GALNTL6: variants seen among roughly 807,000 people sequenced by gnomAD.
GALNTL6 encodes polypeptide N-acetylgalactosaminyltransferase like 6.
In GALNTL6, 46 loss-of-function variants were observed where a neutral mutation model predicts 73.7. That is an observed-to-expected ratio of 0.62 (90% CI 0.49 to 0.80). The LOEUF is 0.80. Ranked by LOEUF, GALNTL6 falls within the 30% of genes least tolerant of loss-of-function variation. The probability of loss-of-function intolerance (pLI) is 0.00; values close to 1 mark genes in which losing one functional copy is unlikely to be tolerated. For missense variants in GALNTL6, 604 were observed against 755.0 expected, an observed-to-expected ratio of 0.80 and a Z score of 2.34; for synonymous variants, 259 against 263.7, an observed-to-expected ratio of 0.98 and a Z score of 0.17.
At chr4:172,411,743 C>T (rs1239228138) in intron 5 of GALNTL6, among the ~76,000 whole-genome samples, 1 of 152,016 alleles carries the variant, frequency 6.6e-6, no homozygotes, top group Non-Finnish European at 1.5e-5. Flanking sequence ...CACCAGTATG[C>T]TATGGAACAT....
Position 172,724,791 on chromosome 4 carries a change from G to A in GALNTL6, c.554-84570G>A, listed in dbSNP as rs149009744. Among the ~76,000 whole-genome samples, 8 of 152,224 alleles carry A rather than the reference G, an allele frequency of 5.3e-5. No individual in the cohort carries two copies. In the East Asian group the frequency reaches 1.5e-3, roughly 29 times the overall value. The stretch of plus-strand genomic sequence containing the variant: ...AAAAATAGAAATGATTCAGAAACCT[G>A]AGAAAGAGAAAAAGAAATAAAAGGT... On this transcript the variant is annotated intron_variant, in intron 5 of 12. Coordinates refer to ENST00000506823, the MANE Select transcript of GALNTL6 (RefSeq NM_001034845.3).
intron 10 of GALNTL6, among the ~76,000 whole-genome samples, chr4:172,982,534 C>G (rs902997118): frequency 1.3e-5 from 2 of 152,170 alleles, no homozygotes; most frequent in Admixed American, 1.3e-4. Flanking sequence ...GACTGAAAGT[C>G]AGAAGAGATG....
intron 5 of GALNTL6, among the ~76,000 whole-genome samples, chr4:172,419,441 C>T (rs1222255162): frequency 1.3e-5 from 2 of 152,116 alleles, no homozygotes; most frequent in Non-Finnish European, 2.9e-5. Flanking sequence ...TGGATATTTT[C>T]GATTTCTTTC....
At chr4:172,829,718 C>T (rs984480874) in intron 7 of GALNTL6, among the ~76,000 whole-genome samples, 1 of 152,186 alleles carries the variant, frequency 6.6e-6, no homozygotes, top group African/African-American at 2.4e-5. Context: ...GATGTACTTC[C>T]AACCTTTGCT....
chr4:172,563,782 T>C (rs1251621231), intron 5 of GALNTL6, among the ~76,000 whole-genome samples: 1 of 152,202 alleles, frequency 6.6e-6, no homozygotes, highest in Non-Finnish European at 1.5e-5. Context: ...ACAGGTGAGG[T>C]TAATGGAATA....
chr4:171,980,556 T>C (rs1739865051), intron 2 of GALNTL6, among the ~76,000 whole-genome samples: 1 of 152,206 alleles, frequency 6.6e-6, no homozygotes, highest in Non-Finnish European at 1.5e-5. Context: ...CTGCAGTGTG[T>C]ATATTTGTAT....
intron 2 of GALNTL6, among the ~76,000 whole-genome samples, chr4:172,196,022 T>A (rs181272276): frequency 0.034 from 4,872 of 142,136 alleles, 284 homozygotes; most frequent in African/African-American, 0.12. Flanking sequence ...TTTTTTTTTT[T>A]TAAATTAATA....
chr4:172,101,063 A>G (rs759492566), intron 2 of GALNTL6, among the ~76,000 whole-genome samples: 7 of 152,188 alleles, frequency 4.6e-5, no homozygotes, highest in Non-Finnish European at 7.4e-5. Flanking sequence ...GTTGGTTTTC[A>G]CATTCTAACC....
At chr4:172,299,441 T>C in intron 3 of GALNTL6, among the ~76,000 whole-genome samples, 1 of 152,130 alleles carries the variant, frequency 6.6e-6, no homozygotes. Context: ...GCTTCTCTAG[T>C]TCTTTTAATT....
At chr4:172,014,718 G>A (rs1013862192) in intron 2 of GALNTL6, among the ~76,000 whole-genome samples, 2 of 151,950 alleles carry the variant, frequency 1.3e-5, no homozygotes, top group Non-Finnish European at 2.9e-5. Flanking sequence ...CACTGCTTTT[G>A]TTGTGTCCTG....
chr4:172,121,359 A>G (rs570517479), intron 2 of GALNTL6, among the ~76,000 whole-genome samples: 1 of 151,068 alleles, frequency 6.6e-6, no homozygotes, highest in South Asian at 2.1e-4. Context: ...AGTTTTTGTT[A>G]TCAGGCATTC....
Position 172,370,079 on chromosome 4 carries a change from C to T in GALNTL6, c.553+21390C>T, listed in dbSNP as rs187766040. 1.5e-3 allele frequency among the ~76,000 whole-genome samples: 233 copies of T among 152,280 alleles called. 2 individuals carry two copies. In the East Asian group the frequency reaches 0.018, roughly 12 times the overall value. On this transcript the variant is annotated intron_variant, in intron 5 of 12. Coordinates refer to ENST00000506823, the MANE Select transcript of GALNTL6 (RefSeq NM_001034845.3). The stretch of plus-strand genomic sequence containing the variant: ...TGCTGTTGGGAATTTGGCCGATGAC[C>T]ACTCTAGCTACTTCCTTCTGGATAG...
chr4:172,139,229 T>G (rs1237185693), intron 2 of GALNTL6, among the ~76,000 whole-genome samples: 2 of 152,204 alleles, frequency 1.3e-5, no homozygotes, highest in East Asian at 3.8e-4. Context: ...AGTTTTATTC[T>G]TAGTTTGGTG....
rs192976459 is a variant in GALNTL6 at position 171,989,596 on chromosome 4, G to A, written c.138+174878G>A. 2.3e-3 allele frequency among the ~76,000 whole-genome samples: 355 copies of A among 152,340 alleles called. 2 individuals are homozygous for A. The highest frequency in any genetic ancestry group is 8.2e-3 in the African/African-American group (340 of 41,568). ...AAATGTGGCTGGGGTTTGTCTCACA[G>A]TGGAGGCAAGGAATTGCAACTCAGA... On this transcript the variant is annotated intron_variant, in intron 2 of 12. Coordinates refer to ENST00000506823, the MANE Select transcript of GALNTL6 (RefSeq NM_001034845.3).
At chr4:171,909,567 G>T (rs988192311) in intron 2 of GALNTL6, among the ~76,000 whole-genome samples, 1 of 152,134 alleles carries the variant, frequency 6.6e-6, no homozygotes, top group Non-Finnish European at 1.5e-5. Flanking sequence ...TTTTGTACAA[G>T]CCAAAGGTCT....
At chr4:172,050,008 G>GA (rs10716022) in intron 2 of GALNTL6, among the ~76,000 whole-genome samples, 26,345 of 151,120 alleles carry the variant, frequency 0.17, 2,504 homozygotes, top group East Asian at 0.27. Context: ...GAAGGAAAAA[G>GA]AAAAAAAAAA....
At chr4:172,740,083 G>A (rs1540474) in intron 5 of GALNTL6, among the ~76,000 whole-genome samples, 54,512 of 151,494 alleles carry the variant, frequency 0.36, 10,842 homozygotes, top group African/African-American at 0.52. Context: ...ACCTCATCTC[G>A]TACCGTGTTT....
At chr4:172,481,973 C>T (rs1458503900) in intron 5 of GALNTL6, among the ~76,000 whole-genome samples, 1 of 152,210 alleles carries the variant, frequency 6.6e-6, no homozygotes, top group Non-Finnish European at 1.5e-5. Flanking sequence ...TGCCAGGAGC[C>T]CACCGCAGGG....
intron 7 of GALNTL6, among the ~76,000 whole-genome samples, chr4:172,866,615 C>A (rs748245734): frequency 6.6e-6 from 1 of 152,204 alleles, no homozygotes; most frequent in Non-Finnish European, 1.5e-5. Flanking sequence ...CACGGTCCCT[C>A]CGCTCAACCA....
Sources: gnomAD v4.1 joint callset for allele counts (sites outside exome capture counted in the v4.1 genomes callset) on GRCh38, gnomAD v4.1.1 for gene constraint, MANE v1.5 for transcripts, NCBI Gene and HGNC (gene_info 2026-07-23, HGNC 2026-07-21) for gene names.